The following DNM2 variants were observed in gnomAD, a reference collection of about 807,000 sequenced individuals.
DNM2 encodes dynamin 2.
DNM2 carries 15 observed loss-of-function variants against 99.0 expected under a neutral mutation model. The ratio of observed to expected loss-of-function variants is 0.15; its 90% confidence interval spans 0.10 to 0.23. The LOEUF (loss-of-function observed/expected upper bound fraction) is 0.23, where lower values mean the gene tolerates loss of function less well. DNM2 is among the 10% of genes least tolerant of loss of function. The pLI is 1.00. For missense variants in DNM2, 742 were observed against 1,189.4 expected, an observed-to-expected ratio of 0.62 and a Z score of 5.53; for synonymous variants, 525 against 481.2, an observed-to-expected ratio of 1.09 and a Z score of -1.19.
chr19:10,781,145 G>C (rs1176544156), intron 5 of DNM2, among the ~76,000 whole-genome samples: 4 of 151,950 alleles, frequency 2.6e-5, no homozygotes, highest in East Asian at 1.9e-4. Flanking sequence ...AGCTATGATT[G>C]TGCCACTGCA....
intron 1 of DNM2, among the ~76,000 whole-genome samples, chr19:10,746,514 C>T (rs1357093682): frequency 2.6e-5 from 4 of 152,080 alleles, no homozygotes; most frequent in Admixed American, 2.6e-4. Flanking sequence ...ACCTCTGCCT[C>T]CCAGGTTCAA....
At chr19:10,726,218 C>CAAAAAA (rs1195927872) in intron 1 of DNM2, among the ~76,000 whole-genome samples, 1 of 82,454 alleles carries the variant, frequency 1.2e-5, no homozygotes. Context: ...GACTCTGCCT[C>CAAAAAA]AAAAAAAAAA....
intron 2 of DNM2, among the ~76,000 whole-genome samples, chr19:10,771,205 T>C (rs963259150): frequency 6.6e-6 from 1 of 152,250 alleles, no homozygotes; most frequent in African/African-American, 2.4e-5. Context: ...GTCAAGGCTT[T>C]GTACAGTGGA....
intron 1 of DNM2, among the ~76,000 whole-genome samples, chr19:10,749,887 G>T (rs1377757851): frequency 6.6e-6 from 1 of 152,214 alleles, no homozygotes; most frequent in Non-Finnish European, 1.5e-5. Flanking sequence ...GGCCAGGTAG[G>T]CAGGGCCTAT....
chr19:10,758,172 G>C (rs2070464863), intron 1 of DNM2, among the ~76,000 whole-genome samples: 1 of 152,042 alleles, frequency 6.6e-6, no homozygotes, highest in Admixed American at 6.6e-5. Context: ...GTCGGAGCAG[G>C]CTACTCCCTC....
At chr19:10,804,807 C>A (rs538103417) in intron 12 of DNM2, among the ~76,000 whole-genome samples, 1 of 152,334 alleles carries the variant, frequency 6.6e-6, no homozygotes, top group Admixed American at 6.5e-5. Context: ...CTTTCCTGAT[C>A]TAGAAACAGA....
At chr19:10,819,908 C>T in intron 15 of DNM2, 72 bp from the exon 16 acceptor site, 1 of 1,427,394 alleles carries the variant, frequency 7.0e-7, no homozygotes, top group Non-Finnish European at 9.9e-7. Flanking sequence ...GCGCATGCTA[C>T]ACGCTCTGGC....
intron 1 of DNM2, among the ~76,000 whole-genome samples, chr19:10,722,550 A>G (rs2068973529): frequency 6.7e-6 from 1 of 150,116 alleles, no homozygotes; most frequent in Non-Finnish European, 1.5e-5. Context: ...TCACCATGTT[A>G]GCCAGGATGG....
At chr19:10,730,576 A>G (rs1025007356) in intron 1 of DNM2, among the ~76,000 whole-genome samples, 12 of 151,970 alleles carry the variant, frequency 7.9e-5, no homozygotes, top group African/African-American at 2.7e-4. Flanking sequence ...TTGGTTTTGG[A>G]GACTCACAGC....
chr19:10,746,722 TTTTTG>T (rs780292100), intron 1 of DNM2, among the ~76,000 whole-genome samples: 6,033 of 94,828 alleles, frequency 0.064, 407 homozygotes, highest in East Asian at 0.36. Flanking sequence ...GCCGGCTTTT[TTTTTG>T]TTTTTTGTTT....
intron 7 of DNM2, among the ~76,000 whole-genome samples, chr19:10,788,593 T>C (rs1379599197): frequency 6.6e-6 from 1 of 152,156 alleles, no homozygotes; most frequent in African/African-American, 2.4e-5. Flanking sequence ...GAGCCAGACC[T>C]TGGCTAGGTT....
intron 1 of DNM2, among the ~76,000 whole-genome samples, chr19:10,720,729 CA>C (rs1046094176): frequency 5.3e-5 from 8 of 151,810 alleles, no homozygotes; most frequent in African/African-American, 1.7e-4. Flanking sequence ...GATCCGGTTT[CA>C]AAAAAAGAAA....
intron 1 of DNM2, among the ~76,000 whole-genome samples, chr19:10,742,653 C>T (rs1241667370): frequency 6.6e-6 from 1 of 152,150 alleles, no homozygotes; most frequent in African/African-American, 2.4e-5. Flanking sequence ...GGTTTCCTTT[C>T]CTTGTGTGCC....
intron 18 of DNM2, among the ~76,000 whole-genome samples, chr19:10,828,518 C>T (rs1477422346): frequency 6.6e-6 from 1 of 151,318 alleles, no homozygotes; most frequent in Admixed American, 6.6e-5. Flanking sequence ...ACCCGGGAGG[C>T]GGAGGTTGCA....
intron 1 of DNM2, among the ~76,000 whole-genome samples, chr19:10,752,225 A>G (rs1215887356): frequency 1.3e-5 from 2 of 152,210 alleles, no homozygotes; most frequent in East Asian, 1.9e-4. Context: ...GGAAAAAGGA[A>G]AAAAGAGTGT....
rs1016836632 is a variant in DNM2, at chr19:10,820,235, G to A, written c.1781+146G>A. 1 of 753,080 alleles carries A rather than the reference G, an allele frequency of 1.3e-6. No individual in the cohort carries two copies. The highest frequency in any genetic ancestry group is 2.7e-5 in the East Asian group (1 of 37,528). The allele number at this position is 753,080 out of a possible 1,614,324, so 46.6% of individuals were successfully genotyped here. ...GCTTTTAGAAAGGGGAGTCACGTGA[G>A]AAATAGCAAATGCCAGGGATGCTTC... On this transcript the variant is annotated intron_variant, in intron 16 of 20. Coordinates refer to ENST00000389253, the MANE Select transcript of DNM2 (RefSeq NM_001005361.3). The surrounding 1 kb of genome is among the most constrained non-coding windows in gnomAD (Gnocchi z 4.3).
intron 15 of DNM2, among the ~76,000 whole-genome samples, chr19:10,815,412 G>A (rs141433733): frequency 2.8e-4 from 43 of 152,324 alleles, no homozygotes; most frequent in African/African-American, 9.6e-4. Context: ...TCAACCCTTC[G>A]TGTCTCGTCT....
chr19:10,821,277 G>A (rs188364487), intron 16 of DNM2, among the ~76,000 whole-genome samples: 37 of 152,270 alleles, frequency 2.4e-4, no homozygotes, highest in Non-Finnish European at 4.0e-4. Flanking sequence ...TCCCTGAGCC[G>A]TGTGCCTCCT....
intron 1 of DNM2, among the ~76,000 whole-genome samples, chr19:10,757,708 G>C (rs930844838): frequency 6.6e-6 from 1 of 152,086 alleles, no homozygotes; most frequent in Admixed American, 6.6e-5. Context: ...ACTTTGGGAG[G>C]CCAAGGCGGG....
Sources: gnomAD v4.1 joint callset for allele counts (sites outside exome capture counted in the v4.1 genomes callset) on GRCh38, gnomAD v4.1.1 for gene constraint, Gnocchi (gnomAD v3.1) non-coding constraint, MANE v1.5 for transcripts, NCBI Gene and HGNC (gene_info 2026-07-23, HGNC 2026-07-21) for gene names.